Variants in ITPRIP observed in about 807,000 individuals in gnomAD.
The protein encoded by ITPRIP is inositol 1,4,5-trisphosphate receptor interacting protein.
In ITPRIP, 32 loss-of-function variants were observed where a neutral mutation model predicts 35.8. The ratio of observed to expected loss-of-function variants is 0.89; its 90% CI spans 0.68 to 1.20. The LOEUF is 1.20. ITPRIP is among the 50% of genes most tolerant of loss of function. ITPRIP has a pLI of 0.00. For synonymous variants in ITPRIP, 358 were observed against 324.0 expected (o/e 1.11, Z -1.13); for missense variants, 653 against 735.6 (o/e 0.89, Z 1.30).
intron 1 of ITPRIP, among the ~76,000 whole-genome samples, chr10:104,336,497 G>C (rs1263807962): frequency 1.6e-4 from 20 of 126,880 alleles, no homozygotes; most frequent in Admixed American, 1.4e-3. Flanking sequence ...TTTTTTTTGG[G>C]GGGGGGGGGG....
At chr10:104,325,556 A>C (rs956659796) in intron 1 of ITPRIP, among the ~76,000 whole-genome samples, 1 of 152,190 alleles carries the variant, frequency 6.6e-6, no homozygotes, top group Admixed American at 6.5e-5. Context: ...GCCAGAGCAG[A>C]TTTTCTTCCT....
intron 1 of ITPRIP, among the ~76,000 whole-genome samples, chr10:104,335,431 C>G (rs754099439): frequency 3.3e-5 from 5 of 152,084 alleles, no homozygotes; most frequent in Non-Finnish European, 7.4e-5. Flanking sequence ...AGGTCAGGAC[C>G]CTGCGTGCAG....
Position 104,326,050 on chromosome 10 carries a change from G to A in ITPRIP, c.-13-9986C>T, listed in dbSNP as rs535611656. On this transcript the variant is annotated intron_variant, in intron 1 of 1. Coordinates refer to ENST00000337478, the MANE Select transcript of ITPRIP (RefSeq NM_001272013.2). The surrounding 1 kb of genome is among the most constrained non-coding windows in gnomAD (Gnocchi z 4.8). ...AGAAGCTGCCTTTTTTTGCTCCAGC[G>A]AGCCTCTGTTGTCTGCATGTGGACA... Among the ~76,000 whole-genome samples the A allele has an allele frequency of 4.6e-5, 7 of 152,238 alleles. No individual in the cohort carries two copies. In the East Asian group the frequency reaches 1.4e-3, roughly 30 times the overall value.
chr10:104,332,046 G>A (rs2014160689), intron 1 of ITPRIP, among the ~76,000 whole-genome samples: 1 of 152,180 alleles, frequency 6.6e-6, no homozygotes, highest in Non-Finnish European at 1.5e-5. Flanking sequence ...CTGGGAGAGA[G>A]CAAATCTAAA....
chr10:104,335,310 G>A (rs2014215174), intron 1 of ITPRIP, among the ~76,000 whole-genome samples: 1 of 152,218 alleles, frequency 6.6e-6, no homozygotes, highest in South Asian at 2.1e-4. Context: ...CTTGAGAAGG[G>A]CATTTGTGGG....
intron 1 of ITPRIP, chr10:104,323,518 C>T (rs747461542): frequency 6.6e-6 from 1 of 152,394 alleles, no homozygotes; most frequent in East Asian, 1.9e-4. Flanking sequence ...CTTCCCCTGC[C>T]TGGGGGTACC....
chr10:104,329,043 G>GCA (rs66606338), intron 1 of ITPRIP: 33,574 of 148,888 alleles, frequency 0.23, 4,254 homozygotes, highest in Non-Finnish European at 0.3. Context: ...CTGCACGCAT[G>GCA]CACACACACA....
chr10:104,321,058 A>G (rs2013833518), intron 1 of ITPRIP, among the ~76,000 whole-genome samples: 1 of 152,164 alleles, frequency 6.6e-6, no homozygotes. Context: ...CTCACAAACC[A>G]TGGATATGTG....
chr10:104,330,486 T>C (rs1352534332), intron 1 of ITPRIP, among the ~76,000 whole-genome samples: 1 of 152,150 alleles, frequency 6.6e-6, no homozygotes, highest in Non-Finnish European at 1.5e-5. Context: ...GTTTAGAAAA[T>C]GGCCCAGGAA....
At chr10:104,335,732 T>C (rs2014221404) in intron 1 of ITPRIP, among the ~76,000 whole-genome samples, 1 of 152,194 alleles carries the variant, frequency 6.6e-6, no homozygotes, top group Admixed American at 6.5e-5. Flanking sequence ...CCACGAGGGT[T>C]CCCAATTAAA....
At position 104,335,029 on chromosome 10, in the gene ITPRIP, G is replaced by A. The variant is rs2182240; in HGVS notation, c.-14+3217C>T. Among the ~76,000 whole-genome samples the A allele has an allele frequency of 1.7e-3, 259 of 152,248 alleles. 2 individuals carry two copies. The highest frequency in any genetic ancestry group is 0.012 in the Admixed American group (176 of 15,288). On this transcript the variant is annotated intron_variant, in intron 1 of 1. Transcript: ENST00000337478. ...ATTATGGAAATTGGGTTTCTGAGCG[G>A]GCACAGCTAAGAGCCATGCCCTGGG...
intron 1 of ITPRIP, among the ~76,000 whole-genome samples, chr10:104,332,146 A>G (rs2014162648): frequency 6.6e-6 from 1 of 152,156 alleles, no homozygotes; most frequent in Admixed American, 6.5e-5. Flanking sequence ...ACCCACCTTG[A>G]AGGGCCATTG....
At chr10:104,321,032 G>T (rs1348945153) in intron 1 of ITPRIP, among the ~76,000 whole-genome samples, 4 of 152,172 alleles carry the variant, frequency 2.6e-5, no homozygotes, top group African/African-American at 9.7e-5. Context: ...GAGACAGGAC[G>T]GGTAGTGAGG....
rs981427921 is a variant in ITPRIP at position 104,311,058 on chromosome 10, C to T, written c.*3350G>A. The T allele has an allele frequency of 1.3e-5, 2 of 152,278 alleles. No individual in the cohort carries two copies. The highest frequency in any genetic ancestry group is 3.9e-4 in the East Asian group (2 of 5,188). The allele number at this position is 152,278 out of a possible 1,614,324, so 9.4% of individuals were successfully genotyped here. On this transcript the variant is annotated 3_prime_UTR_variant, in exon 2 of 2. Transcript: ENST00000337478. ...TGGTCCTATTCATTTTCCCATCTTCCACAATGTCTCATGCACGTTAGGCTC... is the reference window on the plus strand; with the variant it reads ...TGGTCCTATTCATTTTCCCATCTTCTACAATGTCTCATGCACGTTAGGCTC...
chr10:104,314,542 G>A lies in ITPRIP; in HGVS notation c.1510C>T (p.Arg504Trp), dbSNP rs756456665. 2.0e-5 allele frequency: 33 copies of A among 1,614,108 alleles called. No homozygotes were observed. Among genetic ancestry groups the A allele is most frequent in the African/African-American group, 4.0e-5 (3 of 74,950 alleles). Reference protein sequence around the residue: ...VLRAEPLNLFRPFVLQRSLYR... With the variant: ...VLRAEPLNLFWPFVLQRSLYR... ...AGGCTTCGCTGCAGGACGAAGGGCCGGAAGAGGTTGAGGGGCTCGGCCCTG... is the reference window on the plus strand; with the variant it reads ...AGGCTTCGCTGCAGGACGAAGGGCCAGAAGAGGTTGAGGGGCTCGGCCCTG... The change falls in exon 2 of 2, where the codon CGG becomes TGG. Residue 504 changes from arginine to tryptophan, a missense_variant. By Grantham distance (101) the Arg-to-Trp change is moderately radical. Transcript: ENST00000337478.
intron 1 of ITPRIP, among the ~76,000 whole-genome samples, chr10:104,318,687 G>T (rs1204463337): frequency 1.3e-5 from 2 of 152,220 alleles, no homozygotes; most frequent in Non-Finnish European, 2.9e-5. Context: ...CTGTGTGCAA[G>T]AGGAAAAGAG....
Position 104,314,618 on chromosome 10 carries a change from G to C in ITPRIP, c.1434C>G (p.Phe478Leu). 1 of 1,614,176 alleles carries C rather than the reference G, an allele frequency of 6.2e-7. No homozygotes were observed. Among genetic ancestry groups the C allele is most frequent in the Non-Finnish European group, 8.5e-7 (1 of 1,180,014 alleles). Residue 478 changes from phenylalanine (F) to leucine (L), a missense_variant, in exon 2 of 2, where the codon TTC (phenylalanine) becomes TTG (leucine). Transcript: ENST00000337478. ...SLLQKKLHHF[F>L]IGNRKVPEAM... The stretch of plus-strand genomic sequence containing the variant: ...CCTCAGGCACCTTGCGGTTGCCGAT[G>C]AAGAAGTGGTGGAGCTTCTTCTGGA...
intron 1 of ITPRIP, among the ~76,000 whole-genome samples, chr10:104,318,031 G>A (rs1223912393): frequency 6.6e-6 from 1 of 152,196 alleles, no homozygotes; most frequent in African/African-American, 2.4e-5. Flanking sequence ...GGTGAGCACT[G>A]AAGCACTTAC....
At chr10:104,337,037 A>G (rs559051896) in intron 1 of ITPRIP, among the ~76,000 whole-genome samples, 22 of 152,360 alleles carry the variant, frequency 1.4e-4, no homozygotes, top group African/African-American at 5.0e-4. Context: ...CAGCCGCAAC[A>G]TACAGGGAAT....
Sources: gnomAD v4.1 joint callset for allele counts (sites outside exome capture counted in the v4.1 genomes callset) on GRCh38, gnomAD v4.1.1 for gene constraint, Gnocchi (gnomAD v3.1) non-coding constraint, MANE v1.5 for transcripts, NCBI Gene and HGNC (gene_info 2026-07-23, HGNC 2026-07-21) for gene names.